Variants in KLF8 observed in about 807,000 individuals in gnomAD.
KLF8 encodes Krueppel-like factor 8.
Under a neutral mutation model 18.2 loss-of-function variants are expected in KLF8, and 10 were observed. That is an observed-to-expected ratio of 0.55 (90% CI 0.34 to 0.93). The LOEUF (loss-of-function observed/expected upper bound fraction) is 0.93, where lower values mean the gene tolerates loss of function less well. KLF8 is among the 40% of genes least tolerant of loss of function. The pLI is 0.02. For missense variants in KLF8, 264 were observed against 277.9 expected, an observed-to-expected ratio of 0.95 and a Z score of 0.36; for synonymous variants, 109 against 97.3, an observed-to-expected ratio of 1.12 and a Z score of -0.71.
chrX:55,987,563 G>A, the KLF8 span, among the ~76,000 whole-genome samples: 1 of 112,030 alleles, frequency 8.9e-6, no homozygotes, highest in Non-Finnish European at 1.9e-5. Flanking sequence ...GTATTCCATG[G>A]TGTATATGTG....
At chrX:56,172,203 C>T in the KLF8 span, among the ~76,000 whole-genome samples, 6 of 110,314 alleles carry the variant, frequency 5.4e-5, no homozygotes, top group African/African-American at 2.0e-4. Context: ...GTGTGCTGCA[C>T]CCATTAACAT....
chrX:56,171,571 G>A, the KLF8 span, among the ~76,000 whole-genome samples: 1 of 110,688 alleles, frequency 9.0e-6, no homozygotes, highest in African/African-American at 3.3e-5. Flanking sequence ...CCCACCCTGT[G>A]TCCAAGTGTT....
the KLF8 span, among the ~76,000 whole-genome samples, chrX:56,040,674 G>A: frequency 3.7e-5 from 4 of 109,116 alleles, no homozygotes; most frequent in African/African-American, 9.9e-5. Flanking sequence ...TTGACCTGAA[G>A]TTTTCTTCCA....
At chrX:56,104,151 A>G in the KLF8 span, among the ~76,000 whole-genome samples, 1 of 111,577 alleles carries the variant, frequency 9.0e-6, no homozygotes, top group Non-Finnish European at 1.9e-5. Context: ...AAGGTTCGTC[A>G]GGGATATTGG....
the KLF8 span, among the ~76,000 whole-genome samples, chrX:56,077,526 G>A: frequency 8.9e-6 from 1 of 112,036 alleles, no homozygotes; most frequent in South Asian, 3.7e-4. Context: ...CCAGTACCAT[G>A]CTGATTTGGT....
chrX:56,125,922 A>G, the KLF8 span, among the ~76,000 whole-genome samples: 44 of 112,210 alleles, frequency 3.9e-4, no homozygotes, highest in African/African-American at 1.4e-3. Flanking sequence ...GTATGCATAT[A>G]AAGCACCCAC....
the KLF8 span, among the ~76,000 whole-genome samples, chrX:56,204,610 C>A: frequency 9.1e-6 from 1 of 110,419 alleles, no homozygotes; most frequent in Non-Finnish European, 1.9e-5. Flanking sequence ...TCCCCAGTTT[C>A]TTTAGGGTTT....
At chrX:56,125,558 C>A in the KLF8 span, among the ~76,000 whole-genome samples, 1 of 112,043 alleles carries the variant, frequency 8.9e-6, no homozygotes, top group South Asian at 3.7e-4. Context: ...TTCTAGTGGT[C>A]GGCTATTGTT....
At chrX:56,159,468 G>A in the KLF8 span, among the ~76,000 whole-genome samples, 3 of 112,659 alleles carry the variant, frequency 2.7e-5, no homozygotes, top group Admixed American at 9.4e-5. Context: ...AATGGTACTA[G>A]CTCCTCCTTG....
chrX:56,191,438 A>T, the KLF8 span, among the ~76,000 whole-genome samples: 1 of 112,025 alleles, frequency 8.9e-6, no homozygotes, highest in Admixed American at 9.5e-5. Context: ...AAGATGAGGG[A>T]GTACTTCCAA....
At chrX:56,189,945 C>T in the KLF8 span, among the ~76,000 whole-genome samples, 2 of 106,004 alleles carry the variant, frequency 1.9e-5, no homozygotes, top group African/African-American at 6.9e-5. Flanking sequence ...GGGTGCAGCA[C>T]ACCAGCATGG....
chrX:56,183,048 G>A, the KLF8 span, among the ~76,000 whole-genome samples: 22 of 112,436 alleles, frequency 2.0e-4, no homozygotes, highest in Non-Finnish European at 3.9e-4. Flanking sequence ...CTTTTATTCC[G>A]CTATGCCCTG....
the KLF8 span, among the ~76,000 whole-genome samples, chrX:55,965,331 G>A: frequency 5.4e-5 from 6 of 112,089 alleles, no homozygotes; most frequent in South Asian, 7.5e-4. Context: ...ATGAAATTCA[G>A]TATTCCTTCG....
chrX:56,069,054 T>A, the KLF8 span, among the ~76,000 whole-genome samples: 1 of 111,290 alleles, frequency 9.0e-6, no homozygotes, highest in South Asian at 3.8e-4. Context: ...CTCACTTCTG[T>A]CTGAACTATG....
the KLF8 span, chrX:55,908,779 T>C: frequency 5.1e-5 from 14 of 274,778 alleles, no homozygotes; most frequent in East Asian, 6.7e-4. Context: ...AGAGGATGCC[T>C]TCGGAGGCGC....
chrX:55,914,076 T>C, the KLF8 span, among the ~76,000 whole-genome samples: 1 of 111,920 alleles, frequency 8.9e-6, no homozygotes, highest in Non-Finnish European at 1.9e-5. Flanking sequence ...TACTGGTCAG[T>C]GATGGCATGA....
chrX:55,929,194 C>A, the KLF8 span, among the ~76,000 whole-genome samples: 1 of 112,182 alleles, frequency 8.9e-6, no homozygotes, highest in African/African-American at 3.2e-5. Flanking sequence ...CTGTTCATAT[C>A]CTTCGCCCAC....
At chrX:56,247,967 G>C (rs2066648008) in intron 1 of KLF8, among the ~76,000 whole-genome samples, 1 of 111,785 alleles carries the variant, frequency 8.9e-6, no homozygotes, top group Non-Finnish European at 1.9e-5. Context: ...TTGACTGACA[G>C]CACAGTCGAT....
chrX:56,135,300 C>A, the KLF8 span, among the ~76,000 whole-genome samples: 6 of 111,580 alleles, frequency 5.4e-5, no homozygotes, highest in South Asian at 1.9e-3. Flanking sequence ...TGGAACCAAC[C>A]CAAATTTCCA....
Sources: allele counts gnomAD v4.1 joint callset (sites outside exome capture counted in the v4.1 genomes callset), GRCh38; gene constraint gnomAD v4.1.1; transcripts MANE v1.5; gene names NCBI Gene and HGNC (gene_info 2026-07-23, HGNC 2026-07-21).